MARCHF1: variants seen among roughly 807,000 people sequenced by gnomAD.
MARCHF1 encodes the protein membrane associated ring-CH-type finger 1.
In MARCHF1, 40 loss-of-function variants were observed where a neutral mutation model predicts 54.2. The observed-to-expected ratio is 0.74, with a 90% CI of 0.57 to 0.96. The LOEUF is 0.96. Among genes scored for constraint, MARCHF1 ranks in the 40% least tolerant of loss-of-function variants. MARCHF1 has a pLI of 0.00. For missense variants in MARCHF1, 586 were observed against 656.5 expected, an observed-to-expected ratio of 0.89 and a Z score of 1.17; for synonymous variants, 236 against 236.3, an observed-to-expected ratio of 1.00 and a Z score of 0.01.
At chr4:164,047,895 C>T (rs1754275575) in intron 2 of MARCHF1, among the ~76,000 whole-genome samples, 1 of 152,106 alleles carries the variant, frequency 6.6e-6, no homozygotes, top group Non-Finnish European at 1.5e-5. Flanking sequence ...TTCCTCATTT[C>T]CCAATTTTGA....
chr4:163,749,846 G>A (rs761075191), intron 4 of MARCHF1, among the ~76,000 whole-genome samples: 6 of 151,910 alleles, frequency 3.9e-5, no homozygotes, highest in Admixed American at 2.0e-4. Flanking sequence ...CAGATCATTT[G>A]AAGTGAGGAG....
intron 2 of MARCHF1, among the ~76,000 whole-genome samples, chr4:163,999,502 TA>T (rs962137297): frequency 4.0e-5 from 6 of 151,504 alleles, no homozygotes; most frequent in Non-Finnish European, 8.9e-5. Context: ...TAAAGAGAAT[TA>T]TTTCCACTAG....
intron 1 of MARCHF1, among the ~76,000 whole-genome samples, chr4:164,147,771 A>G (rs1452536945): frequency 6.7e-6 from 1 of 150,042 alleles, no homozygotes; most frequent in Non-Finnish European, 1.5e-5. Context: ...ATGTATACAA[A>G]TGTAACTAAC....
In MARCHF1 at chr4:163,813,416, C is replaced by T. The variant is rs191949593; in HGVS notation, c.111+40605G>A. 1.8e-3 allele frequency among the ~76,000 whole-genome samples: 267 copies of T among 152,272 alleles called. 1 individual carries two copies. Among genetic ancestry groups the T allele is most frequent in the African/African-American group, 6.3e-3 (260 of 41,560 alleles). ...AAATAATAATTACTCATGACACTCTCCTTCCACCCTCAGATTTCCTCAGGA... is the reference window on the plus strand; with the variant it reads ...AAATAATAATTACTCATGACACTCTTCTTCCACCCTCAGATTTCCTCAGGA... On this transcript the variant is annotated intron_variant, in intron 4 of 9. Transcript: ENST00000514618.
At chr4:164,117,384 T>C (rs554792984) in intron 1 of MARCHF1, among the ~76,000 whole-genome samples, 2 of 152,224 alleles carry the variant, frequency 1.3e-5, no homozygotes, top group East Asian at 1.9e-4. Context: ...TTAATGGAAA[T>C]ACAAGTTACC....
intron 3 of MARCHF1, among the ~76,000 whole-genome samples, chr4:163,917,182 ATTTC>A (rs1294407248): frequency 2.0e-5 from 3 of 152,092 alleles, no homozygotes; most frequent in South Asian, 4.1e-4. Context: ...TTGATGGATA[ATTTC>A]TTTTTAGCAA....
At chr4:163,632,962 A>G (rs12642871) in intron 5 of MARCHF1, among the ~76,000 whole-genome samples, 149,275 of 152,258 alleles carry the variant, frequency 0.98, 73,181 homozygotes, top group East Asian at 1. Flanking sequence ...CAGCCTAACT[A>G]GGAGGCGCCC....
intron 1 of MARCHF1, among the ~76,000 whole-genome samples, chr4:164,216,192 T>C (rs1250366707): frequency 6.6e-6 from 1 of 152,234 alleles, no homozygotes; most frequent in Non-Finnish European, 1.5e-5. Flanking sequence ...TACTTCCCTT[T>C]ACGGTTTGGC....
intron 9 of MARCHF1, among the ~76,000 whole-genome samples, chr4:163,542,926 A>C (rs1738766601): frequency 6.6e-6 from 1 of 152,112 alleles, no homozygotes; most frequent in African/African-American, 2.4e-5. Context: ...GAGGTGTGTG[A>C]GAATATATGA....
chr4:164,179,741 A>C (rs901615835), intron 1 of MARCHF1, among the ~76,000 whole-genome samples: 3 of 151,900 alleles, frequency 2.0e-5, no homozygotes, highest in Admixed American at 1.3e-4. Context: ...TTTGTAGTTA[A>C]TTACTCTCCA....
intron 4 of MARCHF1, among the ~76,000 whole-genome samples, chr4:163,719,355 T>C (rs567531018): frequency 6.6e-6 from 1 of 152,318 alleles, no homozygotes; most frequent in South Asian, 2.1e-4. Flanking sequence ...ACAAAGGACA[T>C]GAACTCATCC....
chr4:164,331,504 A>G (rs561792883), intron 1 of MARCHF1, among the ~76,000 whole-genome samples: 1 of 152,326 alleles, frequency 6.6e-6, no homozygotes, highest in African/African-American at 2.4e-5. Flanking sequence ...TCATGTTTGT[A>G]TGCATATATG....
intron 2 of MARCHF1, among the ~76,000 whole-genome samples, chr4:163,993,703 G>A (rs1753009707): frequency 6.6e-6 from 1 of 152,098 alleles, no homozygotes; most frequent in Non-Finnish European, 1.5e-5. Flanking sequence ...CACAAACTGA[G>A]TCTTTCAAAT....
At chr4:163,781,821 G>GA (rs1251376530) in intron 4 of MARCHF1, among the ~76,000 whole-genome samples, 1 of 152,148 alleles carries the variant, frequency 6.6e-6, no homozygotes, top group Non-Finnish European at 1.5e-5. Flanking sequence ...TCCAAGTTTG[G>GA]AAAAAATCAT....
intron 5 of MARCHF1, among the ~76,000 whole-genome samples, chr4:163,680,697 C>T (rs1744074186): frequency 6.6e-6 from 1 of 152,146 alleles, no homozygotes; most frequent in African/African-American, 2.4e-5. Context: ...TCTACATATT[C>T]TCCCTGGAAT....
chr4:163,802,107 C>T (rs1334812979), intron 4 of MARCHF1, among the ~76,000 whole-genome samples: 2 of 144,678 alleles, frequency 1.4e-5, no homozygotes, highest in African/African-American at 2.5e-5. Context: ...TTCAATTCAA[C>T]ATGTCACCTT....
intron 4 of MARCHF1, among the ~76,000 whole-genome samples, chr4:163,805,235 GTAT>G (rs1561087191): frequency 6.6e-6 from 1 of 151,950 alleles, no homozygotes; most frequent in African/African-American, 2.4e-5. Context: ...TTTAAACGTT[GTAT>G]TATTATTGTT....
intron 2 of MARCHF1, among the ~76,000 whole-genome samples, chr4:164,018,923 C>A (rs77226971): frequency 0.024 from 3,618 of 152,204 alleles, 130 homozygotes; most frequent in African/African-American, 0.078. Context: ...CTTTAAAATC[C>A]GTAATCCACA....
At chr4:164,251,065 G>T (rs1017243603) in intron 1 of MARCHF1, among the ~76,000 whole-genome samples, 12 of 152,046 alleles carry the variant, frequency 7.9e-5, no homozygotes, top group African/African-American at 2.9e-4. Context: ...ATTATTATTA[G>T]CATAATGATT....
Sources: allele counts gnomAD v4.1 joint callset (sites outside exome capture counted in the v4.1 genomes callset), GRCh38; gene constraint gnomAD v4.1.1; transcripts MANE v1.5; gene names NCBI Gene and HGNC (gene_info 2026-07-23, HGNC 2026-07-21).